Variants in ADAMTS20 observed in about 807,000 individuals in gnomAD.
The protein encoded by ADAMTS20 is A disintegrin and metalloproteinase with thrombospondin motifs 20.
In ADAMTS20, 225 loss-of-function variants were observed where a neutral mutation model predicts 260.1. The observed-to-expected ratio is 0.87, with a 90% CI of 0.78 to 0.97. The LOEUF (loss-of-function observed/expected upper bound fraction) is 0.97, where lower values mean the gene tolerates loss of function less well. Ranked by LOEUF, ADAMTS20 falls within the 50% of genes least tolerant of loss-of-function variation. ADAMTS20 has a pLI of 0.00. For synonymous variants in ADAMTS20, 802 were observed against 769.5 expected, an observed-to-expected ratio of 1.04 and a Z score of -0.70; for missense variants, 2,400 against 2,337.7, an observed-to-expected ratio of 1.03 and a Z score of -0.55.
intron 7 of ADAMTS20, among the ~76,000 whole-genome samples, chr12:43,472,188 T>C (rs1316405059): frequency 4.2e-4 from 62 of 147,192 alleles, no homozygotes; most frequent in Admixed American, 8.8e-4. Context: ...ACGTGAAGAA[T>C]GCAGAAGCCT....
At chr12:43,367,720 A>G (rs1335105470) in intron 37 of ADAMTS20, among the ~76,000 whole-genome samples, 1 of 152,066 alleles carries the variant, frequency 6.6e-6, no homozygotes, top group Admixed American at 6.6e-5. Flanking sequence ...AATTAAAGAT[A>G]TCTAGATTGA....
chr12:43,413,099 G>A (rs1023893471), intron 28 of ADAMTS20, among the ~76,000 whole-genome samples: 2 of 151,986 alleles, frequency 1.3e-5, no homozygotes, highest in African/African-American at 4.8e-5. Context: ...ATGAGCCACC[G>A]TGCCTGGCCG....
intron 3 of ADAMTS20, among the ~76,000 whole-genome samples, chr12:43,507,453 C>T (rs1302527083): frequency 2.6e-5 from 4 of 152,142 alleles, no homozygotes; most frequent in Admixed American, 1.3e-4. Flanking sequence ...AAGAAAGCAT[C>T]CCTCTTGTCA....
At chr12:43,530,892 G>A (rs1202080771) in intron 3 of ADAMTS20, among the ~76,000 whole-genome samples, 1 of 151,584 alleles carries the variant, frequency 6.6e-6, no homozygotes, top group Non-Finnish European at 1.5e-5. Flanking sequence ...AAAAAATGAT[G>A]AAAATATACC....
chr12:43,455,858 G>A (rs911822732), intron 11 of ADAMTS20, among the ~76,000 whole-genome samples: 14 of 151,974 alleles, frequency 9.2e-5, no homozygotes, highest in Non-Finnish European at 1.5e-4. Context: ...ACAGGCGCAC[G>A]CCACCACAAC....
At position 43,425,673 on chromosome 12, in the gene ADAMTS20, T is replaced by C; in HGVS notation, c.4125A>G (p.Gly1375=). The change falls in exon 28 of 39, where the codon GGA becomes GGG. Residue 1375 remains glycine (G), a synonymous_variant. Transcript: ENST00000389420. ...GNWGECSQTC[G]GGIKSRLVIC... is the part of the protein sequence containing the mutation. ...TTACAAGTCTTGATTTTATTCCTCC[T>C]CCACATGTTTGTGAACACTAAAAAC... 6.3e-7 allele frequency: 1 copy of C among 1,597,674 alleles called. No individual in the cohort carries two copies. The highest frequency in any genetic ancestry group is 8.6e-7 in the Non-Finnish European group (1 of 1,169,472).
chr12:43,362,978 A>T (rs1939905937), intron 37 of ADAMTS20, among the ~76,000 whole-genome samples: 1 of 152,022 alleles, frequency 6.6e-6, no homozygotes, highest in Non-Finnish European at 1.5e-5. Context: ...GCCCAGTATG[A>T]CCCATTTCGG....
chr12:43,529,989 G>A (rs1386774685), intron 3 of ADAMTS20, among the ~76,000 whole-genome samples: 3 of 152,028 alleles, frequency 2.0e-5, no homozygotes, highest in African/African-American at 7.2e-5. Flanking sequence ...TTAAAAATGT[G>A]TATGCTGATT....
chr12:43,512,004 C>T (rs749259830), intron 3 of ADAMTS20, among the ~76,000 whole-genome samples: 12 of 151,826 alleles, frequency 7.9e-5, no homozygotes, highest in Non-Finnish European at 1.8e-4. Context: ...ATTATATGCC[C>T]TATGTTGCCA....
chr12:43,487,422 GA>G (rs975690875), intron 7 of ADAMTS20, among the ~76,000 whole-genome samples: 7 of 124,394 alleles, frequency 5.6e-5, no homozygotes, highest in Admixed American at 9.3e-5. Flanking sequence ...TCGGAAGAGG[GA>G]AGAGTGGGAG....
At position 43,430,473 on chromosome 12, in the gene ADAMTS20, T is replaced by C. The variant is rs768106161; in HGVS notation, c.3262-2A>G. ...CCCATGTCCACATGTGGTTGTGCACTGAAAGAAGAATATAGATATTAAAAA... is the reference window on the plus strand; with the variant it reads ...CCCATGTCCACATGTGGTTGTGCACCGAAAGAAGAATATAGATATTAAAAA... On this transcript the variant is annotated splice_acceptor_variant, in intron 22 of 38. Transcript: ENST00000389420. LOFTEE classifies it high-confidence loss of function. 6.2e-7 allele frequency: 1 copy of C among 1,608,372 alleles called. No individual in the cohort carries two copies. The highest frequency in any genetic ancestry group is 1.1e-5 in the South Asian group (1 of 89,814).
At chr12:43,526,302 A>C (rs1238104802) in intron 3 of ADAMTS20, among the ~76,000 whole-genome samples, 1 of 152,074 alleles carries the variant, frequency 6.6e-6, no homozygotes, top group Non-Finnish European at 1.5e-5. Context: ...AAAAATACAA[A>C]AAGAAATTAG....
intron 3 of ADAMTS20, among the ~76,000 whole-genome samples, chr12:43,521,881 A>G (rs1420736011): frequency 1.3e-5 from 2 of 152,118 alleles, no homozygotes; most frequent in African/African-American, 2.4e-5. Context: ...TAGAAGATAC[A>G]AATGTCACAT....
chr12:43,364,075 G>A lies in ADAMTS20; in HGVS notation c.5538+5215C>T, dbSNP rs139771062. On this transcript the variant is annotated intron_variant, in intron 37 of 38. Coordinates refer to ENST00000389420, the MANE Select transcript of ADAMTS20 (RefSeq NM_025003.5). ...CCTAAGACTATTGTTATCCCTGAAG[G>A]AGAGGAGCATCACGGTCACTGTGCA... Among the ~76,000 whole-genome samples the A allele has an allele frequency of 2.4e-3, 359 of 152,236 alleles. 10 individuals are homozygous for A. The East Asian group carries it at 0.05, about 21-fold the overall frequency.
At chr12:43,476,997 A>T (rs1324925321) in intron 7 of ADAMTS20, among the ~76,000 whole-genome samples, 24 of 151,342 alleles carry the variant, frequency 1.6e-4, no homozygotes, top group African/African-American at 4.6e-4. Context: ...AAGTATAAAA[A>T]AAAAAAAAAA....
At position 43,551,913 on chromosome 12, in the gene ADAMTS20, C is replaced by G. The variant is rs373554681; in HGVS notation, c.9G>C (p.Val3=). The G allele has an allele frequency of 1.9e-6, 3 of 1,613,452 alleles. No homozygotes were observed. The African/African-American group carries it at 4.0e-5, about 22-fold the overall frequency. MW[V]AKWLTGLLYH... ...AGAGCAGCCCAGTCAGCCACTTGGC[C>G]ACCCACATGGTTCCACCCTGGGGAC... The change falls in exon 1 of 39, where the codon GTG becomes GTC. Residue 3 remains valine (V), a synonymous_variant. Coordinates refer to ENST00000389420, the MANE Select transcript of ADAMTS20 (RefSeq NM_025003.5). The surrounding 1 kb of genome is among the most constrained non-coding windows in gnomAD (Gnocchi z 4.6).
intron 2 of ADAMTS20, among the ~76,000 whole-genome samples, chr12:43,550,241 T>C (rs1426931101): frequency 2.0e-5 from 3 of 152,218 alleles, no homozygotes; most frequent in Admixed American, 2.0e-4. Context: ...TTATCACCAA[T>C]AAAATGATAC....
intron 4 of ADAMTS20, among the ~76,000 whole-genome samples, chr12:43,494,841 G>A (rs1161967558): frequency 6.6e-6 from 1 of 152,186 alleles, no homozygotes; most frequent in African/African-American, 2.4e-5. Flanking sequence ...GATCCTGTGA[G>A]TTTAAAAGTG....
At chr12:43,384,710 G>T (rs1429228589) in intron 29 of ADAMTS20, among the ~76,000 whole-genome samples, 6 of 152,056 alleles carry the variant, frequency 3.9e-5, no homozygotes, top group Admixed American at 1.3e-4. Context: ...GCGGTGTTTG[G>T]TTTTCTGTTC....
Sources: allele counts gnomAD v4.1 joint callset (sites outside exome capture counted in the v4.1 genomes callset), GRCh38; gene constraint gnomAD v4.1.1; non-coding constraint Gnocchi (gnomAD v3.1); transcripts MANE v1.5; gene names NCBI Gene and HGNC (gene_info 2026-07-23, HGNC 2026-07-21).